Variants in GAS7 observed in about 807,000 individuals in gnomAD.
The protein encoded by GAS7 is growth arrest-specific protein 7.
In GAS7, 28 loss-of-function variants were observed where a neutral mutation model predicts 71.1. That is an observed-to-expected ratio of 0.39 (90% CI 0.29 to 0.54). The LOEUF (loss-of-function observed/expected upper bound fraction) is 0.54. GAS7 is among the 20% of genes least tolerant of loss of function. The pLI, the probability that GAS7 is intolerant of heterozygous loss-of-function variation, is 0.62. For missense variants in GAS7, 436 were observed against 627.8 expected, an observed-to-expected ratio of 0.69 and a Z score of 3.27; for synonymous variants, 258 against 245.8, an observed-to-expected ratio of 1.05 and a Z score of -0.46.
intron 2 of GAS7, among the ~76,000 whole-genome samples, chr17:10,005,251 G>GTGTA (rs146953717): frequency 0.23 from 34,090 of 150,432 alleles, 6,399 homozygotes; most frequent in African/African-American, 0.52. Context: ...GCATGCATGT[G>GTGTA]TGTGCACACA....
At chr17:10,104,841 C>T (rs2073742057) in intron 1 of GAS7, among the ~76,000 whole-genome samples, 1 of 152,198 alleles carries the variant, frequency 6.6e-6, no homozygotes, top group Non-Finnish European at 1.5e-5. Flanking sequence ...CGATGATCTT[C>T]TTGTTCCACT....
Position 9,954,927 on chromosome 17 carries a change from G to A in GAS7, c.525+4275C>T, listed in dbSNP as rs185171914. ...TGGCAGCAGAGGGGCATGGTGAGAG[G>A]TGTGTGCGCGCAGATGTCCTGGAAG... On this transcript the variant is annotated intron_variant, in intron 5 of 13. Transcript: ENST00000432992. Among the ~76,000 whole-genome samples the A allele has an allele frequency of 7.2e-5, 11 of 152,260 alleles. No homozygotes were observed. In the East Asian group the frequency reaches 2.1e-3, roughly 29 times the overall value.
rs561852339 is a variant in GAS7, at chr17:9,960,425, G to A, written c.472-1170C>T. On this transcript the variant is annotated intron_variant, in intron 4 of 13. Coordinates refer to ENST00000432992, the MANE Select transcript of GAS7 (RefSeq NM_201433.2). ...GGCTGGTCTCGAACTTTTGACCTCA[G>A]GCGATCCACCTGTCTCGGCCTCCCA... 3.9e-5 allele frequency among the ~76,000 whole-genome samples: 6 copies of A among 152,040 alleles called. No homozygotes were observed. In the South Asian group the frequency reaches 1.2e-3, roughly 32 times the overall value.
In GAS7 at chr17:9,998,116, G is replaced by GCTTT. The variant is rs1397588392; in HGVS notation, c.305-16233_305-16232insAAAG. Among the ~76,000 whole-genome samples the GCTTT allele has an allele frequency of 2.6e-5, 4 of 152,214 alleles. No homozygotes were observed. The East Asian group carries it at 7.7e-4, about 29-fold the overall frequency. On this transcript the variant is annotated intron_variant, in intron 2 of 13. Transcript: ENST00000432992. ...GCTGAAGTTCCAACCTTCTAAGCAT[G>GCTTT]CCTTGGTCTTTCCTGTGACCAGCTG...
At chr17:9,937,538 A>G (rs1352583466) in intron 8 of GAS7, among the ~76,000 whole-genome samples, 2 of 152,192 alleles carry the variant, frequency 1.3e-5, no homozygotes, top group Non-Finnish European at 1.5e-5. Context: ...CCTCATTTAC[A>G]TCTGTGGAAG....
intron 2 of GAS7, among the ~76,000 whole-genome samples, chr17:10,018,063 T>C (rs534567482): frequency 6.6e-6 from 1 of 152,250 alleles, no homozygotes; most frequent in Non-Finnish European, 1.5e-5. Context: ...TGGGTTAGAC[T>C]GAAATGTACA....
intron 1 of GAS7, among the ~76,000 whole-genome samples, chr17:10,065,301 C>T (rs144643833): frequency 4.4e-3 from 667 of 152,310 alleles, no homozygotes; most frequent in Non-Finnish European, 7.8e-3. Flanking sequence ...TTCTAAAAAC[C>T]TTCCTTTGGC....
At chr17:9,917,941 GC>G in intron 13 of GAS7, 59 bp downstream of exon 13, 1 of 1,222,196 alleles carries the variant, frequency 8.2e-7, no homozygotes, top group South Asian at 1.3e-5. Context: ...ACGGCCTAGC[GC>G]CAGGCGGCTC....
intron 3 of GAS7, among the ~76,000 whole-genome samples, chr17:9,977,075 G>A (rs1439209853): frequency 7.2e-5 from 11 of 152,218 alleles, no homozygotes; most frequent in Admixed American, 7.2e-4. Context: ...TCAATTTCAT[G>A]GTTTTGACAA....
In GAS7 at chr17:10,028,683, GA is replaced by G. The variant is rs112239350; in HGVS notation, c.184-8787del. 3.5e-3 allele frequency among the ~76,000 whole-genome samples: 485 copies of G among 136,750 alleles called. 4 individuals are homozygous for G. Among genetic ancestry groups the G allele is most frequent in the African/African-American group, 0.012 (429 of 37,236 alleles). 89.7% of individuals were successfully genotyped at this position (136,750 alleles called of 152,430 possible). A position where few individuals can be genotyped will look rare whatever the true frequency, so the allele number is the denominator to read the frequency against. On this transcript the variant is annotated intron_variant, in intron 1 of 13. Coordinates refer to ENST00000432992, the MANE Select transcript of GAS7 (RefSeq NM_201433.2). ...AGAACAAAACAAGGCAAGTTGGTTTGAAAAAAAAAAACCAAAATGATATAAA... is the reference window on the plus strand; with the variant it reads ...AGAACAAAACAAGGCAAGTTGGTTTGAAAAAAAAAACCAAAATGATATAAA...
chr17:9,938,871 C>T (rs1420304319), intron 8 of GAS7, among the ~76,000 whole-genome samples: 2 of 152,232 alleles, frequency 1.3e-5, no homozygotes, highest in Non-Finnish European at 2.9e-5. Flanking sequence ...GAATCATACA[C>T]TATGAGACCT....
chr17:10,056,436 A>C (rs1419461366), intron 1 of GAS7, among the ~76,000 whole-genome samples: 1 of 152,196 alleles, frequency 6.6e-6, no homozygotes, highest in African/African-American at 2.4e-5. Flanking sequence ...TCAAGGCTGC[A>C]ATGAACTATG....
chr17:10,087,755 G>A (rs752754194), intron 1 of GAS7, among the ~76,000 whole-genome samples: 16 of 152,164 alleles, frequency 1.1e-4, no homozygotes, highest in Non-Finnish European at 1.9e-4. Flanking sequence ...TGAATTCCAA[G>A]GCCCTTCTCA....
In GAS7 at chr17:9,915,172, C is replaced by G. The variant is rs1262355320; in HGVS notation, c.*2056G>C. On this transcript the variant is annotated 3_prime_UTR_variant, in exon 14 of 14. Coordinates refer to ENST00000432992, the MANE Select transcript of GAS7 (RefSeq NM_201433.2). ...CCAACCTGAGCTACCCTGGAAGACG[C>G]AAGAGGGCTCACTCTATCCCAGGGA... The G allele has an allele frequency of 1.3e-5, 3 of 231,290 alleles. No homozygotes were observed. Among genetic ancestry groups the G allele is most frequent in the East Asian group, 6.1e-5 (1 of 16,406 alleles). The allele number at this position is 231,290 out of a possible 1,614,324, so 14.3% of individuals were successfully genotyped here. A position where few individuals can be genotyped will look rare whatever the true frequency, so the allele number is the denominator to read the frequency against.
At chr17:10,078,617 G>A (rs1017918487) in intron 1 of GAS7, among the ~76,000 whole-genome samples, 21 of 152,166 alleles carry the variant, frequency 1.4e-4, no homozygotes, top group African/African-American at 4.6e-4. Flanking sequence ...TGGGAGGTGA[G>A]GGAAGAGGTT....
chr17:10,020,843 G>A (rs974517178), intron 1 of GAS7, among the ~76,000 whole-genome samples: 3 of 152,174 alleles, frequency 2.0e-5, no homozygotes, highest in Non-Finnish European at 4.4e-5. Flanking sequence ...AACCTAGGAG[G>A]CGGAGGTTGC....
intron 2 of GAS7, among the ~76,000 whole-genome samples, chr17:9,992,687 C>T (rs1402590803): frequency 1.3e-5 from 2 of 151,432 alleles, no homozygotes; most frequent in Non-Finnish European, 2.9e-5. Flanking sequence ...ATGTGCCATG[C>T]TGGTGCACTG....
chr17:9,918,039 T>C lies in GAS7; in HGVS notation c.1279A>G (p.Thr427Ala). The change falls in exon 13 of 14, where the codon ACG (threonine) becomes GCG (alanine). Residue 427 changes from threonine (T) to alanine (A), a missense_variant. Physicochemically the swap from Thr to Ala is moderately conservative, Grantham distance 58 (BLOSUM62 0). Coordinates refer to ENST00000432992, the MANE Select transcript of GAS7 (RefSeq NM_201433.2). Reference sequence around the variant, plus strand: ...ATGTCTGTTTCATGCCGCAGCTGCGTGTACTGGCACAGGTGCTGCCGGATC... The same window carrying C: ...ATGTCTGTTTCATGCCGCAGCTGCGCGTACTGGCACAGGTGCTGCCGGATC... ...EMIRQHLCQY[T>A]QLRHETDMFN... is the part of the protein sequence containing the mutation. The C allele has an allele frequency of 6.2e-7, 1 of 1,613,896 alleles. No individual in the cohort carries two copies. Among genetic ancestry groups the C allele is most frequent in the Non-Finnish European group, 8.5e-7 (1 of 1,179,786 alleles).
chr17:10,063,692 A>G (rs1295057259), intron 1 of GAS7, among the ~76,000 whole-genome samples: 5 of 152,180 alleles, frequency 3.3e-5, no homozygotes, highest in Admixed American at 2.0e-4. Context: ...CTGAGGGCTC[A>G]GCCCTGCACA....
Sources: allele counts gnomAD v4.1 joint callset (sites outside exome capture counted in the v4.1 genomes callset), GRCh38; gene constraint gnomAD v4.1.1; transcripts MANE v1.5; gene names NCBI Gene and HGNC (gene_info 2026-07-23, HGNC 2026-07-21).